Variants in TBL1X observed in about 807,000 individuals in gnomAD.
TBL1X encodes F-box-like/WD repeat-containing protein TBL1X.
A neutral mutation model predicts 50.7 loss-of-function variants in TBL1X; 10 were observed. The observed-to-expected ratio is 0.20, with a 90% confidence interval of 0.12 to 0.33. TBL1X has a LOEUF of 0.33. Among genes scored for constraint, TBL1X ranks in the 10% least tolerant of loss-of-function variants. The pLI is 1.00. For synonymous variants in TBL1X, 190 were observed against 214.7 expected (o/e 0.88, Z 1.01); for missense variants, 340 against 504.4 (o/e 0.67, Z 3.12).
intron 2 of TBL1X, among the ~76,000 whole-genome samples, chrX:9,618,992 A>T (rs1044321941): frequency 2.7e-5 from 3 of 111,541 alleles, no homozygotes; most frequent in African/African-American, 9.8e-5. Context: ...TGTTTGGTGT[A>T]CGGTAGTGAT....
At chrX:9,650,694 C>G (rs1172523130) in intron 3 of TBL1X, among the ~76,000 whole-genome samples, 1 of 111,980 alleles carries the variant, frequency 8.9e-6, no homozygotes, top group Non-Finnish European at 1.9e-5. Context: ...CTATAGCGCT[C>G]TGCTCTTCCT....
chrX:9,621,749 A>G (rs926910746), intron 2 of TBL1X, among the ~76,000 whole-genome samples: 1 of 112,109 alleles, frequency 8.9e-6, no homozygotes, highest in Non-Finnish European at 1.9e-5. Context: ...CCATTTCCCA[A>G]CGACACAAAT....
intron 13 of TBL1X, among the ~76,000 whole-genome samples, chrX:9,706,408 G>C (rs897767210): frequency 5.4e-5 from 6 of 110,977 alleles, no homozygotes; most frequent in African/African-American, 2.0e-4. Context: ...TCCTAAATTT[G>C]GTGGAAAACA....
chrX:9,693,825 C>T (rs904908248), intron 11 of TBL1X, among the ~76,000 whole-genome samples: 4 of 111,400 alleles, frequency 3.6e-5, no homozygotes, highest in Admixed American at 1.9e-4. Context: ...ATTTGATAAA[C>T]TGCTGCTTCC....
At chrX:9,591,607 C>T (rs913831203) in intron 2 of TBL1X, among the ~76,000 whole-genome samples, 1 of 111,964 alleles carries the variant, frequency 8.9e-6, no homozygotes, top group African/African-American at 3.2e-5. Flanking sequence ...AGCCATCTTG[C>T]GGGAGTGCCC....
chrX:9,472,480 T>C (rs1171780741), intron 1 of TBL1X, among the ~76,000 whole-genome samples: 7 of 105,612 alleles, frequency 6.6e-5, no homozygotes, highest in African/African-American at 2.4e-4. Flanking sequence ...TTTCTAGAGA[T>C]TGGGTCTTGC....
intron 12 of TBL1X, among the ~76,000 whole-genome samples, chrX:9,699,455 G>C (rs915045910): frequency 8.9e-6 from 1 of 111,935 alleles, no homozygotes; most frequent in Non-Finnish European, 1.9e-5. Context: ...CTAAATATGT[G>C]GGACGAAAGT....
intron 5 of TBL1X, among the ~76,000 whole-genome samples, chrX:9,661,701 G>A (rs111257513): frequency 0.016 from 1,763 of 111,043 alleles, 31 homozygotes; most frequent in African/African-American, 0.054. Context: ...TGTGCTGAGC[G>A]CCCACCAACA....
intron 2 of TBL1X, among the ~76,000 whole-genome samples, chrX:9,585,653 CTG>C (rs1430694352): frequency 5.4e-5 from 6 of 111,291 alleles, no homozygotes; most frequent in Non-Finnish European, 1.1e-4. Flanking sequence ...AGGTCTGAAA[CTG>C]TGGTGTTGTG....
intron 12 of TBL1X, among the ~76,000 whole-genome samples, chrX:9,699,957 A>G (rs1202818721): frequency 8.9e-6 from 1 of 111,969 alleles, no homozygotes; most frequent in African/African-American, 3.2e-5. Flanking sequence ...AAGGCTCCCA[A>G]TGCAGGTAGC....
At chrX:9,493,035 G>A (rs2081955400) in intron 1 of TBL1X, among the ~76,000 whole-genome samples, 1 of 111,080 alleles carries the variant, frequency 9.0e-6, no homozygotes, top group African/African-American at 3.3e-5. Flanking sequence ...ATGTGACTGG[G>A]AGTGTGATAG....
At chrX:9,701,734 C>G (rs149531109) in intron 12 of TBL1X, among the ~76,000 whole-genome samples, 15 of 111,338 alleles carry the variant, frequency 1.3e-4, no homozygotes, top group African/African-American at 4.9e-4. Flanking sequence ...TGGTCGCCAT[C>G]TCTTGGACCG....
At chrX:9,557,288 G>A (rs1017277396) in intron 2 of TBL1X, among the ~76,000 whole-genome samples, 1 of 112,488 alleles carries the variant, frequency 8.9e-6, no homozygotes, top group African/African-American at 3.2e-5. Context: ...CTGAAACAGC[G>A]ACACAATCCA....
At chrX:9,588,956 A>G (rs1011529542) in intron 2 of TBL1X, among the ~76,000 whole-genome samples, 3 of 110,957 alleles carry the variant, frequency 2.7e-5, no homozygotes, top group Non-Finnish European at 5.7e-5. Flanking sequence ...TTGATGGTTG[A>G]ATTTTCTGGC....
intron 12 of TBL1X, among the ~76,000 whole-genome samples, chrX:9,700,641 C>A (rs2083164300): frequency 8.9e-6 from 1 of 111,778 alleles, no homozygotes; most frequent in Non-Finnish European, 1.9e-5. Context: ...TGAAACGCAG[C>A]TGGGAAGAGC....
At chrX:9,471,817 C>A (rs942607737) in intron 1 of TBL1X, among the ~76,000 whole-genome samples, 1 of 111,112 alleles carries the variant, frequency 9.0e-6, no homozygotes, top group African/African-American at 3.3e-5. Context: ...TGGATGTAGC[C>A]GGAATGCTTT....
At chrX:9,690,114 C>T (rs1424131736) in intron 7 of TBL1X, among the ~76,000 whole-genome samples, 1 of 112,327 alleles carries the variant, frequency 8.9e-6, no homozygotes, top group Non-Finnish European at 1.9e-5. Flanking sequence ...GATGATCAGG[C>T]TATATTGCTC....
In TBL1X at chrX:9,507,119, G is replaced by C. The variant is rs374225369; in HGVS notation, c.-131+5270G>C. Among the ~76,000 whole-genome samples the C allele has an allele frequency of 1.5e-4, 17 of 112,055 alleles. No homozygotes were observed. The East Asian group carries it at 2.5e-3, about 17-fold the overall frequency. On this transcript the variant is annotated intron_variant, in intron 2 of 17. Coordinates refer to ENST00000645353, the MANE Select transcript of TBL1X (RefSeq NM_005647.4). ...AGTCAGGCAAGAGAAAGAAAGAAAG[G>C]GTATTCAAATAGGAAGAGAGGAAGT...
chrX:9,693,267 C>T, intron 10 of TBL1X, 55 bp downstream of exon 10: 1 of 1,208,929 alleles, frequency 8.3e-7, no homozygotes, highest in Non-Finnish European at 1.1e-6. Context: ...CCGAACTTAA[C>T]CCTTGAGTGA....
Sources: gnomAD v4.1 joint callset for allele counts (sites outside exome capture counted in the v4.1 genomes callset) on GRCh38, gnomAD v4.1.1 for gene constraint, MANE v1.5 for transcripts, NCBI Gene and HGNC (gene_info 2026-07-23, HGNC 2026-07-21) for gene names.